HEMK2: variants seen among roughly 807,000 people sequenced by gnomAD.
The protein encoded by HEMK2 is methyltransferase HEMK2.
the HEMK2 span, among the ~76,000 whole-genome samples, chr21:28,688,511 T>G: frequency 6.6e-6 from 1 of 151,766 alleles, no homozygotes; most frequent in Non-Finnish European, 1.5e-5. Context: ...TCAACTAGAG[T>G]GCATGCATGA....
At chr21:28,799,019 C>T in the HEMK2 span, among the ~76,000 whole-genome samples, 1 of 152,170 alleles carries the variant, frequency 6.6e-6, no homozygotes, top group Non-Finnish European at 1.5e-5. Flanking sequence ...TGACACTGAA[C>T]TGGTGGTTTT....
chr21:28,737,408 A>C, the HEMK2 span, among the ~76,000 whole-genome samples: 1 of 152,166 alleles, frequency 6.6e-6, no homozygotes, highest in African/African-American at 2.4e-5. Context: ...TACAGTCATG[A>C]GCCACCACGC....
At chr21:28,798,317 T>A in the HEMK2 span, among the ~76,000 whole-genome samples, 1 of 152,148 alleles carries the variant, frequency 6.6e-6, no homozygotes, top group Non-Finnish European at 1.5e-5. Flanking sequence ...GCAGACATAC[T>A]TTTTTCGCAT....
the HEMK2 span, among the ~76,000 whole-genome samples, chr21:28,653,630 C>T: frequency 6.6e-6 from 1 of 152,154 alleles, no homozygotes; most frequent in African/African-American, 2.4e-5. Context: ...CATTTCTTAA[C>T]ATCCGACAAG....
At chr21:28,687,702 A>C in the HEMK2 span, among the ~76,000 whole-genome samples, 1 of 152,188 alleles carries the variant, frequency 6.6e-6, no homozygotes, top group Non-Finnish European at 1.5e-5. Context: ...TTTTGTTGTT[A>C]AATTTAGGCC....
the HEMK2 span, among the ~76,000 whole-genome samples, chr21:28,754,397 G>A: frequency 6.6e-6 from 1 of 152,200 alleles, no homozygotes; most frequent in African/African-American, 2.4e-5. Flanking sequence ...ACGTGTGAGG[G>A]TCTGACATTA....
the HEMK2 span, among the ~76,000 whole-genome samples, chr21:28,772,041 G>A: frequency 6.6e-6 from 1 of 152,088 alleles, no homozygotes; most frequent in Non-Finnish European, 1.5e-5. Context: ...TCATAAGTCA[G>A]AGAAAGTGAA....
chr21:28,611,962 G>A, the HEMK2 span, among the ~76,000 whole-genome samples: 3 of 146,510 alleles, frequency 2.0e-5, no homozygotes, highest in East Asian at 6.0e-4. Context: ...CAGGACAGAC[G>A]AATTCACAGC....
the HEMK2 span, among the ~76,000 whole-genome samples, chr21:28,614,156 A>T: frequency 3.9e-5 from 6 of 152,246 alleles, no homozygotes; most frequent in Admixed American, 6.5e-5. Context: ...TGCAATATAC[A>T]AAACTTTCTA....
At chr21:28,612,173 C>CAA in the HEMK2 span, among the ~76,000 whole-genome samples, 18 of 118,206 alleles carry the variant, frequency 1.5e-4, no homozygotes, top group African/African-American at 4.3e-4. Context: ...CAAAAATCCT[C>CAA]AAAAAAAAAA....
At chr21:28,581,840 G>T in the HEMK2 span, among the ~76,000 whole-genome samples, 1 of 152,276 alleles carries the variant, frequency 6.6e-6, no homozygotes, top group African/African-American at 2.4e-5. Flanking sequence ...TGAATCCAAT[G>T]ATCTTAGTAA....
the HEMK2 span, among the ~76,000 whole-genome samples, chr21:28,729,828 G>A: frequency 1.3e-5 from 2 of 152,052 alleles, no homozygotes; most frequent in African/African-American, 4.8e-5. Flanking sequence ...TTTAGAAGAC[G>A]GGTTGTCGAG....
chr21:28,620,041 G>C, the HEMK2 span, among the ~76,000 whole-genome samples: 2,295 of 152,182 alleles, frequency 0.015, 91 homozygotes, highest in East Asian at 0.079. Context: ...TATTTCTCTT[G>C]CCTGATTGCC....
At chr21:28,837,012 T>C in the HEMK2 span, among the ~76,000 whole-genome samples, 2 of 152,168 alleles carry the variant, frequency 1.3e-5, no homozygotes, top group Admixed American at 1.3e-4. Context: ...TGAAAATATA[T>C]GCACCTAACA....
the HEMK2 span, among the ~76,000 whole-genome samples, chr21:28,776,417 G>A: frequency 0.1 from 15,596 of 152,268 alleles, 1,253 homozygotes; most frequent in East Asian, 0.22. Flanking sequence ...GTAGGCTGCT[G>A]TGTATAATCC....
At chr21:28,672,616 AC>A in the HEMK2 span, among the ~76,000 whole-genome samples, 1 of 152,146 alleles carries the variant, frequency 6.6e-6, no homozygotes, top group South Asian at 2.1e-4. Context: ...TTGTTCCCCA[AC>A]CAGTGTACAC....
the HEMK2 span, among the ~76,000 whole-genome samples, chr21:28,702,666 C>T: frequency 6.6e-6 from 1 of 152,234 alleles, no homozygotes; most frequent in Non-Finnish European, 1.5e-5. Context: ...ATAACAGATT[C>T]TAGTGAGGGT....
chr21:28,778,625 G>T, the HEMK2 span, among the ~76,000 whole-genome samples: 2 of 152,134 alleles, frequency 1.3e-5, no homozygotes, highest in African/African-American at 2.4e-5. Context: ...ATCCAGATAG[G>T]TATGTGCTAG....
At chr21:28,612,190 C>A in the HEMK2 span, among the ~76,000 whole-genome samples, 40 of 151,062 alleles carry the variant, frequency 2.6e-4, no homozygotes, top group African/African-American at 9.7e-4. Flanking sequence ...AAAAAAAAAT[C>A]TAGCTAGCCA....
Sources: gnomAD v4.1 joint callset for allele counts (sites outside exome capture counted in the v4.1 genomes callset) on GRCh38, gnomAD v4.1.1 for gene constraint, MANE v1.5 for transcripts, NCBI Gene and HGNC (gene_info 2026-07-23, HGNC 2026-07-21) for gene names.